The following DIP2C variants were observed in gnomAD, a reference collection of about 807,000 sequenced individuals.
DIP2C encodes disco-interacting protein 2 homolog C.
DIP2C carries 33 observed loss-of-function variants against 192.4 expected under a neutral mutation model. That is an observed-to-expected ratio of 0.17 (90% confidence interval 0.13 to 0.23). The LOEUF (loss-of-function observed/expected upper bound fraction) is 0.23. DIP2C is among the 10% of genes least tolerant of loss of function. The probability of loss-of-function intolerance (pLI) is 1.00; values close to 1 mark genes in which losing one functional copy is unlikely to be tolerated. For synonymous variants in DIP2C, 979 were observed against 864.1 expected (o/e 1.13, Z -2.33); for missense variants, 1,537 against 2,110.1 (o/e 0.73, Z 5.32).
At chr10:416,005 ATGCGATCCTGGG>A (rs1965608925) in intron 6 of DIP2C, 117 bp from the exon 7 acceptor site, 3 of 1,491,404 alleles carry the variant, frequency 2.0e-6, no homozygotes, top group African/African-American at 1.4e-5. Flanking sequence ...TGCATCCTAG[ATGCGATCCTGGG>A]AAGGGCCCGA....
At chr10:323,992 G>C (rs1957148112) in intron 31 of DIP2C, among the ~76,000 whole-genome samples, 1 of 152,086 alleles carries the variant, frequency 6.6e-6, no homozygotes, top group South Asian at 2.1e-4. Context: ...AGCTCTGCCT[G>C]TAGCCTCTGC....
At position 367,219 on chromosome 10, in the gene DIP2C, C is replaced by T. The variant is rs1960355056; in HGVS notation, c.2132-808G>A. ...GATCACAAGGTCAGGAGATCGAGACCATCCTGGCTAACATGGTGAAACCCC... is the reference window on the plus strand; with the variant it reads ...GATCACAAGGTCAGGAGATCGAGACTATCCTGGCTAACATGGTGAAACCCC... On this transcript the variant is annotated intron_variant, in intron 18 of 36. Coordinates refer to ENST00000280886, the MANE Select transcript of DIP2C (RefSeq NM_014974.3). Among the ~76,000 whole-genome samples, 3 of 152,092 alleles carry T rather than the reference C, an allele frequency of 2.0e-5. No homozygotes were observed. In the South Asian group the frequency reaches 6.2e-4, roughly 32 times the overall value.
chr10:326,770 G>C (rs937992347), intron 31 of DIP2C, among the ~76,000 whole-genome samples: 5 of 152,174 alleles, frequency 3.3e-5, no homozygotes, highest in Non-Finnish European at 5.9e-5. Flanking sequence ...TGTCACAAAA[G>C]TTAAAATGTT....
intron 17 of DIP2C, among the ~76,000 whole-genome samples, chr10:376,755 C>A (rs904776262): frequency 6.6e-6 from 1 of 152,210 alleles, no homozygotes; most frequent in African/African-American, 2.4e-5. Flanking sequence ...GCAGAATGAA[C>A]TAATAAATTC....
chr10:456,589 G>C (rs1038364683), intron 3 of DIP2C, among the ~76,000 whole-genome samples: 1 of 152,332 alleles, frequency 6.6e-6, no homozygotes, highest in East Asian at 1.9e-4. Context: ...CCCAAGTCTG[G>C]AAAGAGGACA....
At chr10:535,085 G>A (rs1847625547) in intron 1 of DIP2C, among the ~76,000 whole-genome samples, 2 of 152,156 alleles carry the variant, frequency 1.3e-5, no homozygotes, top group South Asian at 2.1e-4. Flanking sequence ...CTCCCTGCAG[G>A]ATGGTACAGA....
intron 1 of DIP2C, among the ~76,000 whole-genome samples, chr10:491,992 G>C (rs903601772): frequency 1.3e-5 from 2 of 152,008 alleles, no homozygotes; most frequent in Admixed American, 6.6e-5. Flanking sequence ...CCCGACCCCA[G>C]AAAACAGGGG....
chr10:363,859 A>T lies in DIP2C; in HGVS notation c.2477+515T>A, dbSNP rs1959845592. Among the ~76,000 whole-genome samples the T allele has an allele frequency of 6.6e-6, 1 of 152,232 alleles. No individual in the cohort carries two copies. The highest frequency in any genetic ancestry group is 2.4e-5 in the African/African-American group (1 of 41,466). On this transcript the variant is annotated intron_variant, in intron 20 of 36. Coordinates refer to ENST00000280886, the MANE Select transcript of DIP2C (RefSeq NM_014974.3). This position sits in a 1 kb window ranked among gnomAD's most constrained non-coding sequence, Gnocchi z 5.4. ...CTGCTCCCATCAGCTTCCAAACTGA[A>T]AAAAGGCTCTAAAACACTTTATGAC...
intron 1 of DIP2C, among the ~76,000 whole-genome samples, chr10:580,498 TATA>T (rs1850561540): frequency 6.6e-6 from 1 of 152,142 alleles, no homozygotes; most frequent in South Asian, 2.1e-4. Context: ...ATAGTGTGGA[TATA>T]ATAGTGCCCA....
At chr10:577,251 C>T (rs1850225151) in intron 1 of DIP2C, among the ~76,000 whole-genome samples, 1 of 152,216 alleles carries the variant, frequency 6.6e-6, no homozygotes, top group Non-Finnish European at 1.5e-5. Flanking sequence ...AGTTAAGTCA[C>T]TGGATTTAGA....
chr10:558,540 G>A (rs1396697065), intron 1 of DIP2C, among the ~76,000 whole-genome samples: 6 of 152,160 alleles, frequency 3.9e-5, no homozygotes, highest in African/African-American at 9.7e-5. Flanking sequence ...ACAGGAGCAC[G>A]TCCAGCCCAG....
intron 1 of DIP2C, among the ~76,000 whole-genome samples, chr10:556,788 A>G (rs1468388961): frequency 6.6e-6 from 1 of 152,168 alleles, no homozygotes; most frequent in Non-Finnish European, 1.5e-5. Context: ...AAGACAGAAA[A>G]CCACCCTAAA....
chr10:366,353 G>A lies in DIP2C; in HGVS notation c.2190C>T (p.Ile730=), dbSNP rs778126019. The A allele has an allele frequency of 5.0e-6, 8 of 1,614,148 alleles. No individual in the cohort carries two copies. Among genetic ancestry groups the A allele is most frequent in the Non-Finnish European group, 5.9e-6 (7 of 1,180,024 alleles). The part of the protein sequence containing the change: ...GVPQLCRTDE[I]GELCVCAVAT... ...CAACTGCACACACACACAGCTCCCC[G>A]ATCTCATCCGTTCTGCACAGCTGAG... Residue 730 remains isoleucine, a synonymous_variant, in exon 19 of 37, where the codon ATC becomes ATT. Transcript: ENST00000280886.
At chr10:454,832 T>C (rs1422441684) in intron 3 of DIP2C, among the ~76,000 whole-genome samples, 1 of 152,056 alleles carries the variant, frequency 6.6e-6, no homozygotes, top group South Asian at 2.1e-4. Context: ...GAGAAAGAGG[T>C]AGTATACAAA....
chr10:486,160 T>A (rs1054360682), intron 2 of DIP2C, among the ~76,000 whole-genome samples: 1 of 152,264 alleles, frequency 6.6e-6, no homozygotes, highest in African/African-American at 2.4e-5. Context: ...CCAAATATGT[T>A]GAAATCACTA....
At chr10:676,707 C>T (rs1239632525) in intron 1 of DIP2C, among the ~76,000 whole-genome samples, 3 of 151,726 alleles carry the variant, frequency 2.0e-5, no homozygotes, top group Non-Finnish European at 4.4e-5. Context: ...GAAATCTAAC[C>T]AAGAGGGTTA....
At chr10:504,296 C>T (rs1845439061) in intron 1 of DIP2C, among the ~76,000 whole-genome samples, 1 of 152,246 alleles carries the variant, frequency 6.6e-6, no homozygotes, top group Admixed American at 6.5e-5. Context: ...GGGAAACAGC[C>T]GTCTGCCATG....
rs544402178 is a variant in DIP2C at position 314,825 on chromosome 10, A to G, written c.3925-4733T>C. Among the ~76,000 whole-genome samples the G allele has an allele frequency of 1.4e-4, 21 of 152,250 alleles. No individual in the cohort carries two copies. The South Asian group carries it at 2.9e-3, about 21-fold the overall frequency. On this transcript the variant is annotated intron_variant, in intron 31 of 36. Coordinates refer to ENST00000280886, the MANE Select transcript of DIP2C (RefSeq NM_014974.3). The stretch of plus-strand genomic sequence containing the variant: ...CGTGAGGGCTCCACCCTCATGATCT[A>G]ATCACCTTCTAAAGGCCTCATGTCT...
At chr10:369,657 A>T (rs747321801) in intron 17 of DIP2C, 24 bp from the exon 18 acceptor site, 1 of 1,614,078 alleles carries the variant, frequency 6.2e-7, no homozygotes, top group South Asian at 1.1e-5. Context: ...TTTTAACTTG[A>T]ATATGCAGGA....
Sources: gnomAD v4.1 joint callset for allele counts (sites outside exome capture counted in the v4.1 genomes callset) on GRCh38, gnomAD v4.1.1 for gene constraint, Gnocchi (gnomAD v3.1) non-coding constraint, MANE v1.5 for transcripts, NCBI Gene and HGNC (gene_info 2026-07-23, HGNC 2026-07-21) for gene names.